CCDC33: variants seen among roughly 807,000 people sequenced by gnomAD.
CCDC33 encodes coiled-coil domain containing 33, also known as coiled-coil domain-containing protein 33.
CCDC33 carries 94 observed loss-of-function variants against 91.9 expected under a neutral mutation model. The ratio of observed to expected loss-of-function variants is 1.02; its 90% CI spans 0.87 to 1.21. The LOEUF (loss-of-function observed/expected upper bound fraction) is 1.21, where lower values mean the gene tolerates loss of function less well. Ranked by LOEUF, CCDC33 falls within the 50% of genes most tolerant of loss-of-function variation. CCDC33 has a pLI of 0.00. For synonymous variants in CCDC33, 396 were observed against 374.5 expected, an observed-to-expected ratio of 1.06 and a Z score of -0.66; for missense variants, 940 against 935.5, an observed-to-expected ratio of 1.00 and a Z score of -0.06.
At chr15:74,253,105 A>G (rs753089077) in intron 2 of CCDC33, among the ~76,000 whole-genome samples, 1 of 152,188 alleles carries the variant, frequency 6.6e-6, no homozygotes, top group Non-Finnish European at 1.5e-5. Context: ...GGAATCCTGC[A>G]TAACAGCCTC....
intron 2 of CCDC33, among the ~76,000 whole-genome samples, chr15:74,254,617 T>G (rs351161): frequency 6.6e-6 from 1 of 152,136 alleles, no homozygotes; most frequent in South Asian, 2.1e-4. Context: ...CCAGGACAAC[T>G]CCCTCTCCTG....
chr15:74,273,093 C>G (rs556785276), intron 7 of CCDC33, among the ~76,000 whole-genome samples: 4 of 152,314 alleles, frequency 2.6e-5, no homozygotes, highest in African/African-American at 9.6e-5. Context: ...ATGGGAGTCA[C>G]GTGGGTGAAA....
In CCDC33 at chr15:74,277,492, A is replaced by G. The variant is rs75465935; in HGVS notation, c.760-2471A>G. Among the ~76,000 whole-genome samples, 486 of 152,332 alleles carry G rather than the reference A, an allele frequency of 3.2e-3. 18 individuals are homozygous for G. In the East Asian group the frequency reaches 0.084, roughly 26 times the overall value. ...GGCTGGGGGTTAATGGCTTTTCTGA[A>G]GATCACAGCTGAGGGTTAATGACAT... On this transcript the variant is annotated intron_variant, in intron 7 of 18. Coordinates refer to ENST00000398814, the MANE Select transcript of CCDC33 (RefSeq NM_025055.5).
At chr15:74,256,144 T>A (rs1341021786) in intron 2 of CCDC33, among the ~76,000 whole-genome samples, 2 of 152,128 alleles carry the variant, frequency 1.3e-5, no homozygotes, top group African/African-American at 4.8e-5. Flanking sequence ...CTGTCCCCAC[T>A]CACTCATCCT....
upstream of CCDC33, among the ~76,000 whole-genome samples, chr15:74,214,778 C>T (rs1192020279): frequency 6.6e-6 from 1 of 152,198 alleles, no homozygotes. Context: ...CTAAATTTGA[C>T]TCAAAAGCCC....
At chr15:74,334,655 C>G (rs867533276) in intron 17 of CCDC33, among the ~76,000 whole-genome samples, 17 of 144,898 alleles carry the variant, frequency 1.2e-4, no homozygotes, top group African/African-American at 4.9e-4. Context: ...GGTTAGGGTT[C>G]AGTGTATATC....
chr15:74,205,857 T>C (rs1337268447), intron 1 of CCDC33, among the ~76,000 whole-genome samples: 1 of 152,178 alleles, frequency 6.6e-6, no homozygotes, highest in Non-Finnish European at 1.5e-5. Context: ...GTGAGCTTCG[T>C]CCTTTTCCCC....
rs745527870 is a variant in CCDC33, at chr15:74,336,063, C to G, written c.*10C>G. ...CTCTCAGCAGACCTGAGCCCCAGAGCAGGCCTCCTTCCCTGTGTGCTGGGG... is the reference window on the plus strand; with the variant it reads ...CTCTCAGCAGACCTGAGCCCCAGAGGAGGCCTCCTTCCCTGTGTGCTGGGG... On this transcript the variant is annotated 3_prime_UTR_variant, in exon 19 of 19. Coordinates refer to ENST00000398814, the MANE Select transcript of CCDC33 (RefSeq NM_025055.5). 6.2e-7 allele frequency: 1 copy of G among 1,613,420 alleles called. No individual in the cohort carries two copies. Among genetic ancestry groups the G allele is most frequent in the South Asian group, 1.1e-5 (1 of 91,052 alleles).
chr15:74,233,557 C>T (rs2075051228), upstream of CCDC33, among the ~76,000 whole-genome samples: 1 of 152,228 alleles, frequency 6.6e-6, no homozygotes, highest in Non-Finnish European at 1.5e-5. Context: ...AGGGCTCTAA[C>T]TGGGCCCCTT....
downstream of CCDC33, chr15:74,336,370 G>T (rs1284221373): frequency 2.0e-5 from 27 of 1,336,722 alleles, no homozygotes; most frequent in Non-Finnish European, 2.6e-5. Flanking sequence ...ACCCGGAGAA[G>T]AAGCAAGGCC....
At chr15:74,335,151 C>T in intron 18 of CCDC33, 63 bp downstream of exon 18, 1 of 1,292,716 alleles carries the variant, frequency 7.7e-7, no homozygotes, top group South Asian at 1.2e-5. Flanking sequence ...GCCACCGCAC[C>T]CCCAAAGTCA....
At chr15:74,222,626 G>A (rs370139704) in intron 2 of CCDC33, among the ~76,000 whole-genome samples, 5 of 149,880 alleles carry the variant, frequency 3.3e-5, no homozygotes, top group African/African-American at 1.2e-4. Context: ...ATCACCAAAC[G>A]CCAAGCACCT....
chr15:74,209,637 A>G (rs1595871592), intron 2 of CCDC33: 1 of 582,920 alleles, frequency 1.7e-6, no homozygotes, highest in East Asian at 2.9e-5. Flanking sequence ...CCTGCTCTTC[A>G]CCCCAAGTAC....
intron 11 of CCDC33, among the ~76,000 whole-genome samples, chr15:74,328,857 C>G (rs914504508): frequency 1.3e-5 from 2 of 152,176 alleles, no homozygotes; most frequent in Non-Finnish European, 2.9e-5. Context: ...AGTCCCCACC[C>G]GTATGTACAC....
intron 10 of CCDC33, among the ~76,000 whole-genome samples, chr15:74,284,196 G>A (rs1224799022): frequency 6.6e-6 from 1 of 152,214 alleles, no homozygotes; most frequent in Non-Finnish European, 1.5e-5. Context: ...TATATTTGAT[G>A]AGGAGTCACT....
chr15:74,314,290 A>G (rs900801), intron 11 of CCDC33, among the ~76,000 whole-genome samples: 71,565 of 152,138 alleles, frequency 0.47, 19,707 homozygotes, highest in Non-Finnish European at 0.62. Flanking sequence ...AGCCTTGGCC[A>G]CATCTGTGTC....
At chr15:74,333,326 G>A in intron 16 of CCDC33, 1 of 1,571,728 alleles carries the variant, frequency 6.4e-7, no homozygotes. Context: ...CGCACAGGTG[G>A]GTGGCCCAGG....
upstream of CCDC33, among the ~76,000 whole-genome samples, chr15:74,216,055 A>G (rs1000513340): frequency 6.6e-6 from 1 of 152,174 alleles, no homozygotes; most frequent in African/African-American, 2.4e-5. Flanking sequence ...GGTTGGCCCT[A>G]GGGCAGAAGC....
chr15:74,217,526 G>T (rs2074477322), exon 1 of CCDC33: 1 of 1,284,422 alleles, frequency 7.8e-7, no homozygotes. Context: ...AGCAGCAGGA[G>T]CCTGGCCAGA....
Sources: allele counts gnomAD v4.1 joint callset (sites outside exome capture counted in the v4.1 genomes callset), GRCh38; gene constraint gnomAD v4.1.1; transcripts MANE v1.5; gene names NCBI Gene and HGNC (gene_info 2026-07-23, HGNC 2026-07-21).